Variants in ST7 observed in about 807,000 individuals in gnomAD.
ST7 encodes the protein suppressor of tumorigenicity 7 protein.
Under a neutral mutation model 78.7 loss-of-function variants are expected in ST7, and 28 were observed. The ratio of observed to expected loss-of-function variants is 0.36; its 90% CI spans 0.26 to 0.49. The LOEUF (loss-of-function observed/expected upper bound fraction) is 0.49, where lower values mean the gene tolerates loss of function less well. Among genes scored for constraint, ST7 ranks in the 20% least tolerant of loss-of-function variants. The pLI is 0.99. For synonymous variants in ST7, 247 were observed against 249.6 expected (o/e 0.99, Z 0.10); for missense variants, 418 against 696.0 (o/e 0.60, Z 4.49).
At chr7:117,078,311 A>C (rs1029220265) in intron 1 of ST7, among the ~76,000 whole-genome samples, 1 of 152,240 alleles carries the variant, frequency 6.6e-6, no homozygotes, top group Non-Finnish European at 1.5e-5. Flanking sequence ...ACAATTTAAC[A>C]GTAGAATAGA....
intron 9 of ST7, among the ~76,000 whole-genome samples, chr7:117,142,861 C>T (rs1054517638): frequency 2.0e-5 from 3 of 152,110 alleles, no homozygotes; most frequent in Non-Finnish European, 1.5e-5. Flanking sequence ...CCACCTGCCT[C>T]GGCCTCCCAA....
chr7:116,967,657 CATG>C (rs1480874769), intron 1 of ST7, among the ~76,000 whole-genome samples: 1 of 152,162 alleles, frequency 6.6e-6, no homozygotes, highest in African/African-American at 2.4e-5. Context: ...TATAACTGAG[CATG>C]ATAATGATGA....
chr7:117,131,717 A>G (rs1804373481), intron 5 of ST7, among the ~76,000 whole-genome samples, 168 bp from the exon 6 acceptor site: 1 of 151,956 alleles, frequency 6.6e-6, no homozygotes, highest in South Asian at 2.1e-4. Flanking sequence ...ACTGTGGAAT[A>G]GCACATTAAT....
intron 1 of ST7, among the ~76,000 whole-genome samples, chr7:116,980,487 A>G (rs1185326164): frequency 6.6e-6 from 1 of 152,082 alleles, no homozygotes; most frequent in Non-Finnish European, 1.5e-5. Context: ...TCGATGCTTG[A>G]TGGTGCATCC....
intron 1 of ST7, among the ~76,000 whole-genome samples, chr7:116,978,051 A>G (rs760211216): frequency 3.9e-5 from 6 of 152,048 alleles, no homozygotes; most frequent in Non-Finnish European, 8.8e-5. Flanking sequence ...TGGTCAGTGG[A>G]GCTTTTACCA....
At chr7:117,041,093 T>C (rs1797193359) in intron 1 of ST7, among the ~76,000 whole-genome samples, 1 of 152,202 alleles carries the variant, frequency 6.6e-6, no homozygotes, top group African/African-American at 2.4e-5. Context: ...TGTATCTGTC[T>C]TGTGGTGTGA....
intron 1 of ST7, chr7:117,074,688 C>G (rs1799218028): frequency 6.6e-6 from 1 of 152,088 alleles, no homozygotes. Flanking sequence ...ATTAAACCTC[C>G]TAAATCTTTG....
intron 1 of ST7, among the ~76,000 whole-genome samples, chr7:117,032,441 G>A (rs542060269): frequency 6.6e-4 from 101 of 152,058 alleles, no homozygotes; most frequent in African/African-American, 2.3e-3. Context: ...TTATTAAGCT[G>A]GTTCTGTAGT....
At chr7:117,059,648 G>T (rs1334580785) in intron 1 of ST7, among the ~76,000 whole-genome samples, 1 of 151,712 alleles carries the variant, frequency 6.6e-6, no homozygotes, top group East Asian at 1.9e-4. Context: ...TACTGCTTCT[G>T]GTCAGAAGTA....
chr7:117,074,496 G>A (rs1351384050), intron 1 of ST7, among the ~76,000 whole-genome samples: 1 of 148,602 alleles, frequency 6.7e-6, no homozygotes, highest in Non-Finnish European at 1.5e-5. Flanking sequence ...CACCGAAACT[G>A]TTTATGGCGA....
intron 1 of ST7, among the ~76,000 whole-genome samples, chr7:116,976,648 G>A (rs972777286): frequency 5.9e-5 from 9 of 152,176 alleles, no homozygotes; most frequent in African/African-American, 1.2e-4. Context: ...CCCAACATCC[G>A]TGAGGTAGGG....
chr7:117,209,367 A>G (rs2116028203), intron 12 of ST7, among the ~76,000 whole-genome samples: 1 of 152,362 alleles, frequency 6.6e-6, no homozygotes, highest in East Asian at 1.9e-4. Flanking sequence ...AGAAAAAAAT[A>G]ATGGACAGTG....
At chr7:117,220,512 A>AAT (rs1484058856) in intron 14 of ST7, among the ~76,000 whole-genome samples, 16 of 152,350 alleles carry the variant, frequency 1.1e-4, no homozygotes, top group Middle Eastern at 3.4e-3. Context: ...TAAATGTTTT[A>AAT]ATCGAGTCCA....
chr7:117,014,804 C>T (rs940184413), intron 1 of ST7: 7 of 377,990 alleles, frequency 1.9e-5, no homozygotes, highest in Middle Eastern at 1.3e-3. Flanking sequence ...TTTCTAAGGA[C>T]GACTTTAAAA....
intron 1 of ST7, chr7:116,955,096 G>A (rs1441351110): frequency 2.1e-6 from 1 of 470,744 alleles, no homozygotes; most frequent in Non-Finnish European, 4.4e-6. Context: ...TGGCTTTCTC[G>A]CTTTTCATCT....
At chr7:117,121,596 A>G (rs192664397) in intron 3 of ST7, among the ~76,000 whole-genome samples, 2 of 152,264 alleles carry the variant, frequency 1.3e-5, no homozygotes, top group African/African-American at 2.4e-5. Context: ...TTTATCCTTC[A>G]TGTTTTAGAA....
At chr7:117,030,426 A>T (rs1355446810) in intron 1 of ST7, among the ~76,000 whole-genome samples, 1 of 152,220 alleles carries the variant, frequency 6.6e-6, no homozygotes, top group Non-Finnish European at 1.5e-5. Context: ...CACTAAACAG[A>T]TGTTGTCATG....
At chr7:117,173,563 G>C (rs1563141471) in intron 10 of ST7, 1 of 152,246 alleles carries the variant, frequency 6.6e-6, no homozygotes, top group South Asian at 2.1e-4. Flanking sequence ...CCCTGGGCGA[G>C]GAAGTGGGTG....
chr7:117,003,115 C>T lies in ST7; in HGVS notation c.151+49424C>T, dbSNP rs542863278. Among the ~76,000 whole-genome samples the T allele has an allele frequency of 1.7e-3, 255 of 151,730 alleles. 1 individual carries two copies. The highest frequency in any genetic ancestry group is 5.6e-3 in the African/African-American group (232 of 41,368). ...CTGGGATTACAGGCGTGAGCCACCA[C>T]GCCAAGCCTGAATTAGTTTTTTAGA... On this transcript the variant is annotated intron_variant, in intron 1 of 15. Transcript: ENST00000323984.
Sources: gnomAD v4.1 joint callset for allele counts (sites outside exome capture counted in the v4.1 genomes callset) on GRCh38, gnomAD v4.1.1 for gene constraint, MANE v1.5 for transcripts, NCBI Gene and HGNC (gene_info 2026-07-23, HGNC 2026-07-21) for gene names.